Variants in UBR1 observed in about 807,000 individuals in gnomAD.
The protein encoded by UBR1 is ubiquitin protein ligase E3 component n-recognin 1, also known as E3 ubiquitin-protein ligase UBR1.
In UBR1, 102 loss-of-function variants were observed where a neutral mutation model predicts 242.1. That is an observed-to-expected ratio of 0.42 (90% CI 0.36 to 0.50). The LOEUF (loss-of-function observed/expected upper bound fraction) is 0.50. Ranked by LOEUF, UBR1 falls within the 20% of genes least tolerant of loss-of-function variation. UBR1 has a pLI of 0.01. For synonymous variants in UBR1, 675 were observed against 684.8 expected, an observed-to-expected ratio of 0.99 and a Z score of 0.22; for missense variants, 1,772 against 2,101.8, an observed-to-expected ratio of 0.84 and a Z score of 3.07.
chr15:42,952,489 A>G (rs1377269167), intron 44 of UBR1, 41 bp from the exon 45 acceptor site: 2 of 1,607,430 alleles, frequency 1.2e-6, no homozygotes, highest in Non-Finnish European at 1.7e-6. Flanking sequence ...ATGGAAAAAC[A>G]AAACAAAACA....
At position 43,082,062 on chromosome 15, in the gene UBR1, A is replaced by G. The variant is rs2033980897; in HGVS notation, c.417+576T>C. Among the ~76,000 whole-genome samples, 4 of 152,116 alleles carry G rather than the reference A, an allele frequency of 2.6e-5. No homozygotes were observed. In the South Asian group the frequency reaches 8.3e-4, roughly 31 times the overall value. ...AAAAGTATAACAAAATTTTATTTTT[A>G]TAACTCCACAAACTTCCTTTGAAAA... is the stretch of plus-strand genomic sequence containing the variant. On this transcript the variant is annotated intron_variant, in intron 3 of 46. Transcript: ENST00000290650.
intron 3 of UBR1, among the ~76,000 whole-genome samples, chr15:43,078,153 C>T (rs2033930137): frequency 6.6e-6 from 1 of 152,112 alleles, no homozygotes; most frequent in Admixed American, 6.5e-5. Context: ...AAAGAGAAAG[C>T]CCAATGCTAA....
intron 33 of UBR1, among the ~76,000 whole-genome samples, chr15:42,994,381 CAAAAAAAAAA>C (rs72106180): frequency 5.4e-5 from 5 of 91,908 alleles, no homozygotes; most frequent in East Asian, 3.0e-4. Context: ...GACGCTGTCT[CAAAAAAAAAA>C]AAAAAAAAAA....
rs2306126 is a variant in UBR1 at position 42,943,119 on chromosome 15, T to C, written c.*2210A>G. On this transcript the variant is annotated 3_prime_UTR_variant, in exon 47 of 47. Coordinates refer to ENST00000290650, the MANE Select transcript of UBR1 (RefSeq NM_174916.3). ...TGCATAGTTGTTATGAAATGACAAA[T>C]GACCACTAAAAGGTGAACTCACAGC... The C allele has an allele frequency of 5.2e-5, 8 of 152,728 alleles. No individual in the cohort carries two copies. The East Asian group carries it at 1.5e-3, about 29-fold the overall frequency. The allele number at this position is 152,728 out of a possible 1,614,324, so 9.5% of individuals were successfully genotyped here.
chr15:43,016,810 C>T (rs1457693522), intron 28 of UBR1, among the ~76,000 whole-genome samples: 7 of 152,174 alleles, frequency 4.6e-5, no homozygotes, highest in African/African-American at 1.7e-4. Context: ...CTCCCGACCT[C>T]AAGTGATCTA....
At chr15:43,023,039 T>C (rs1299886736) in intron 25 of UBR1, among the ~76,000 whole-genome samples, 1 of 151,850 alleles carries the variant, frequency 6.6e-6, no homozygotes, top group Non-Finnish European at 1.5e-5. Context: ...AAATTTTTTT[T>C]GGAGGGGGCG....
At position 43,062,901 on chromosome 15, in the gene UBR1, G is replaced by GAA. The variant is rs558448367; in HGVS notation, c.799-2789_799-2788dup. ...AGGCTTGGGCTGGCATGTCTACTCT[G>GAA]AAAAAAAAAAAATTATTTCCAAGTG... On this transcript the variant is annotated intron_variant, in intron 6 of 46. Transcript: ENST00000290650. Among the ~76,000 whole-genome samples, 1,331 of 144,404 alleles carry GAA rather than the reference G, an allele frequency of 9.2e-3. 15 individuals carry two copies. The highest frequency in any genetic ancestry group is 0.032 in the African/African-American group (1,266 of 39,570). 94.7% of individuals were successfully genotyped at this position (144,404 alleles called of 152,430 possible). A position where few individuals can be genotyped will look rare whatever the true frequency, so the allele number is the denominator to read the frequency against.
intron 12 of UBR1, among the ~76,000 whole-genome samples, chr15:43,053,471 G>T (rs1477852496): frequency 3.9e-5 from 6 of 152,150 alleles, no homozygotes; most frequent in Admixed American, 3.9e-4. Flanking sequence ...TGTACAACAT[G>T]TAAGTTTTGC....
intron 44 of UBR1, 53 bp from the exon 45 acceptor site, chr15:42,952,501 A>AACAAG (rs1567106289): frequency 1.5e-5 from 24 of 1,593,440 alleles, no homozygotes; most frequent in Non-Finnish European, 2.1e-5. Flanking sequence ...AACAAAACAA[A>AACAAG]TAAGTACCAT....
At chr15:42,948,090 T>G (rs943239859) in intron 46 of UBR1, among the ~76,000 whole-genome samples, 3 of 152,248 alleles carry the variant, frequency 2.0e-5, no homozygotes, top group East Asian at 1.9e-4. Flanking sequence ...AACAGAGATA[T>G]AGATCAATGG....
chr15:43,068,285 C>A (rs2033780829), intron 5 of UBR1, among the ~76,000 whole-genome samples: 1 of 148,824 alleles, frequency 6.7e-6, no homozygotes, highest in Admixed American at 6.7e-5. Flanking sequence ...CCCTTCCAGG[C>A]TCAAGCAATC....
chr15:43,049,442 A>G (rs2033526016), intron 12 of UBR1, among the ~76,000 whole-genome samples: 1 of 152,168 alleles, frequency 6.6e-6, no homozygotes, highest in Admixed American at 6.5e-5. Flanking sequence ...GGGTGCCTGT[A>G]GTCCCAGCTA....
intron 34 of UBR1, 131 bp from the exon 35 acceptor site, chr15:42,989,098 A>C: frequency 2.7e-6 from 2 of 741,948 alleles, no homozygotes; most frequent in Non-Finnish European, 4.4e-6. Context: ...TTGCCAAATT[A>C]GAGATTAGAG....
At chr15:43,092,345 A>T (rs2034114981) in intron 1 of UBR1, among the ~76,000 whole-genome samples, 1 of 152,220 alleles carries the variant, frequency 6.6e-6, no homozygotes, top group South Asian at 2.1e-4. Context: ...GGCTGATATC[A>T]TTAATTACCT....
At position 42,976,841 on chromosome 15, in the gene UBR1, G is replaced by A. The variant is rs2032297743; in HGVS notation, c.4245C>T (p.Ser1415=). 4 of 1,613,926 alleles carry A rather than the reference G, an allele frequency of 2.5e-6. No homozygotes were observed. Among genetic ancestry groups the A allele is most frequent in the African/African-American group, 1.3e-5 (1 of 75,006 alleles). Residue 1415 remains serine (S), a synonymous_variant, in exon 39 of 47, where the codon TCC becomes TCT. Transcript: ENST00000290650. ...VLVGAVLAFP[S]LYWDDPVDLQ... ...GATCAACAGGGTCATCCCAATACAA[G>A]GATGGGAATGCTAACACAGCACCCA...
rs146167610 is a variant in UBR1 at position 43,033,910 on chromosome 15, C to T, written c.2191-1279G>A. ...CTTGAGCTCAGGAGTTTGAGACTAG[C>T]CTGGTCAACATGGTGAAACCTCGAC... On this transcript the variant is annotated intron_variant, in intron 19 of 46. Transcript: ENST00000290650. Among the ~76,000 whole-genome samples, 1,221 of 152,060 alleles carry T rather than the reference C, an allele frequency of 8.0e-3. 17 individuals carry two copies. The highest frequency in any genetic ancestry group is 0.028 in the African/African-American group (1,177 of 41,466).
intron 16 of UBR1, 73 bp from the exon 17 acceptor site, chr15:43,037,956 A>G (rs2033359233): frequency 3.5e-6 from 5 of 1,422,352 alleles, no homozygotes; most frequent in Non-Finnish European, 4.9e-6. Flanking sequence ...GCCACTACAT[A>G]TTCTTCAGTT....
intron 22 of UBR1, among the ~76,000 whole-genome samples, chr15:43,027,395 A>C (rs935411126): frequency 6.6e-6 from 1 of 152,158 alleles, no homozygotes; most frequent in African/African-American, 2.4e-5. Context: ...TGAAATGAAA[A>C]TATTATAAAA....
intron 3 of UBR1, among the ~76,000 whole-genome samples, chr15:43,076,934 T>A (rs1457921830): frequency 1.2e-5 from 1 of 82,292 alleles, no homozygotes; most frequent in Non-Finnish European, 2.6e-5. Flanking sequence ...CCAGCCGCCC[T>A]ATCCAGGAGG....
Sources: gnomAD v4.1 joint callset for allele counts (sites outside exome capture counted in the v4.1 genomes callset) on GRCh38, gnomAD v4.1.1 for gene constraint, MANE v1.5 for transcripts, NCBI Gene and HGNC (gene_info 2026-07-23, HGNC 2026-07-21) for gene names.